Variants in LAMA1 observed in about 807,000 individuals in gnomAD.
The protein encoded by LAMA1 is laminin subunit alpha-1.
Under a neutral mutation model 348.7 loss-of-function variants are expected in LAMA1, and 219 were observed. The ratio of observed to expected loss-of-function variants is 0.63; its 90% confidence interval spans 0.56 to 0.70. The LOEUF (loss-of-function observed/expected upper bound fraction) is 0.70. LAMA1 is among the 30% of genes least tolerant of loss of function. The probability of loss-of-function intolerance (pLI) is 0.00; values close to 1 mark genes in which losing one functional copy is unlikely to be tolerated. For missense variants in LAMA1, 3,744 were observed against 3,888.0 expected, an observed-to-expected ratio of 0.96 and a Z score of 0.99; for synonymous variants, 1,487 against 1,491.0, an observed-to-expected ratio of 1.00 and a Z score of 0.06.
At chr18:6,959,232 C>T (rs1037129866) in intron 54 of LAMA1, 109 bp downstream of exon 54, 48 of 1,393,730 alleles carry the variant, frequency 3.4e-5, no homozygotes, top group African/African-American at 5.7e-5. Context: ...GTCTGGATGC[C>T]GATGACCCCA....
intron 47 of LAMA1, among the ~76,000 whole-genome samples, chr18:6,972,845 C>T (rs8087100): frequency 0.014 from 2,063 of 152,302 alleles, 50 homozygotes; most frequent in African/African-American, 0.047. Flanking sequence ...CATGTGCCAC[C>T]ACACCCGGCT....
chr18:7,067,184 C>T (rs1004733441), intron 3 of LAMA1, among the ~76,000 whole-genome samples: 11 of 150,648 alleles, frequency 7.3e-5, no homozygotes, highest in African/African-American at 2.7e-4. Flanking sequence ...GCAGGCAGCA[C>T]GGGACAGTGA....
In LAMA1 at chr18:7,050,695, T is replaced by C. The variant is rs1385585897; in HGVS notation, c.587A>G (p.Glu196Gly). Residue 196 changes from glutamate to glycine, a missense_variant and splice_region_variant, in exon 4 of 63, where the codon GAG becomes GGG. Physicochemically the swap from Glu to Gly is moderately conservative, Grantham distance 98. This residue lies in a region of LAMA1 where 1,529 missense variants were observed against 1,689.4 expected (regional missense o/e 0.91). Coordinates refer to ENST00000389658, the MANE Select transcript of LAMA1 (RefSeq NM_005559.4). ...YSRLVPLEHG[E>G]IHTSLINGRP... ...TGCTGCAGCGGGCACCATACCTACC[T>C]CTCCATGCTCAAGTGGCACCAATCT... 6.2e-7 allele frequency: 1 copy of C among 1,613,462 alleles called. No homozygotes were observed. Among genetic ancestry groups the C allele is most frequent in the Non-Finnish European group, 8.5e-7 (1 of 1,179,988 alleles).
intron 43 of LAMA1, 91 bp from the exon 44 acceptor site, chr18:6,977,972 A>G (rs1050202998): frequency 2.1e-6 from 3 of 1,405,250 alleles, no homozygotes; most frequent in African/African-American, 1.4e-5. Context: ...GCACTTGGTA[A>G]AACAACACCC....
At position 7,002,462 on chromosome 18, in the gene LAMA1, C is replaced by T. The variant is rs1200325954; in HGVS notation, c.4261-77G>A. 6 of 1,445,754 alleles carry T rather than the reference C, an allele frequency of 4.2e-6. No homozygotes were observed. The African/African-American group carries it at 4.2e-5, about 10-fold the overall frequency. 89.6% of individuals were successfully genotyped at this position (1,445,754 alleles called of 1,614,324 possible). A position where few individuals can be genotyped will look rare whatever the true frequency, so the allele number is the denominator to read the frequency against. On this transcript the variant is annotated intron_variant, in intron 29 of 62. Transcript: ENST00000389658. ...TCATTCTTATCTGGTAATAGCTAAG[C>T]ACTGCCACGTTTTATATCAGCTAGC... is the stretch of plus-strand genomic sequence containing the variant.
chr18:6,961,761 T>A lies in LAMA1; in HGVS notation c.7453-2A>T. On this transcript the variant is annotated splice_acceptor_variant, in intron 52 of 62. Transcript: ENST00000389658. LOFTEE classifies it high-confidence loss of function. The stretch of plus-strand genomic sequence containing the variant: ...CAGGAAGCTAACACTCCGGATGGGC[T>A]GGACACAGAGGAGATGGAACAGCAT... The A allele has an allele frequency of 6.2e-7, 1 of 1,614,144 alleles. No individual in the cohort carries two copies. Among genetic ancestry groups the A allele is most frequent in the Non-Finnish European group, 8.5e-7 (1 of 1,180,006 alleles).
intron 1 of LAMA1, among the ~76,000 whole-genome samples, chr18:7,099,848 G>A (rs796143644): frequency 4.6e-5 from 7 of 152,064 alleles, no homozygotes; most frequent in African/African-American, 1.7e-4. Context: ...CATGAGGTCA[G>A]GAGATTGAGA....
At chr18:7,077,560 G>A (rs1002024503) in intron 3 of LAMA1, among the ~76,000 whole-genome samples, 3 of 152,024 alleles carry the variant, frequency 2.0e-5, no homozygotes, top group African/African-American at 7.2e-5. Flanking sequence ...ACTGCCTTCT[G>A]GAATTCCTCA....
At chr18:7,014,912 T>C (rs1231604261) in intron 22 of LAMA1, among the ~76,000 whole-genome samples, 2 of 152,152 alleles carry the variant, frequency 1.3e-5, no homozygotes, top group Non-Finnish European at 2.9e-5. Context: ...AGTGGCCCGA[T>C]ATCGGCTCAC....
intron 1 of LAMA1, among the ~76,000 whole-genome samples, chr18:7,085,413 CTTTTTTT>C (rs36122063): frequency 1.2e-5 from 1 of 85,274 alleles, no homozygotes. Flanking sequence ...TCTTCTTCTT[CTTTTTTT>C]TTTTTTTTTT....
chr18:7,092,946 C>G (rs1026068750), intron 1 of LAMA1, among the ~76,000 whole-genome samples: 3 of 152,164 alleles, frequency 2.0e-5, no homozygotes, highest in Non-Finnish European at 4.4e-5. Context: ...CGCACAGGTG[C>G]AATCGCATGG....
At chr18:7,064,221 CA>C (rs898604962) in intron 3 of LAMA1, among the ~76,000 whole-genome samples, 2 of 150,600 alleles carry the variant, frequency 1.3e-5, no homozygotes, top group Admixed American at 6.6e-5. Flanking sequence ...ATTTTTAATA[CA>C]AAAAAAGGTT....
chr18:7,018,399 CTTT>C (rs901034443), intron 19 of LAMA1, among the ~76,000 whole-genome samples: 1 of 128,350 alleles, frequency 7.8e-6, no homozygotes, highest in Admixed American at 7.7e-5. Flanking sequence ...TCCAGGTACT[CTTT>C]TTTTTTTTTT....
intron 1 of LAMA1, among the ~76,000 whole-genome samples, chr18:7,103,310 C>G (rs569731929): frequency 1.0e-3 from 159 of 152,038 alleles, no homozygotes; most frequent in African/African-American, 3.7e-3. Flanking sequence ...GAGGCTGAGG[C>G]AGGAGAATGG....
At chr18:7,017,534 G>A in intron 19 of LAMA1, 150 bp from the exon 20 acceptor site, 1 of 705,724 alleles carries the variant, frequency 1.4e-6, no homozygotes, top group South Asian at 1.6e-5. Context: ...AACTTTAGAA[G>A]TTTAGCATTT....
chr18:7,071,181 G>C (rs2058144459), intron 3 of LAMA1, among the ~76,000 whole-genome samples: 1 of 152,230 alleles, frequency 6.6e-6, no homozygotes, highest in South Asian at 2.1e-4. Flanking sequence ...GAGGGAACCA[G>C]AGGTCCTGGT....
intron 16 of LAMA1, 148 bp from the exon 17 acceptor site, chr18:7,026,254 T>G: frequency 1.2e-6 from 1 of 858,348 alleles, no homozygotes; most frequent in East Asian, 2.6e-5. Flanking sequence ...GAAGGCCTCC[T>G]GTTTTCAGAT....
At chr18:6,955,677 G>T (rs949215) in intron 56 of LAMA1, 215,162 of 666,256 alleles carry the variant, frequency 0.32, 37,804 homozygotes, top group Non-Finnish European at 0.38. Context: ...GCTTCTGTCT[G>T]TCACCTTAAT....
At chr18:7,037,793 T>C in intron 11 of LAMA1, 42 bp from the exon 12 acceptor site, 2 of 1,582,916 alleles carry the variant, frequency 1.3e-6, no homozygotes. Flanking sequence ...GAAATAGAAC[T>C]TACCTTAGAT....
Sources: allele counts gnomAD v4.1 joint callset (sites outside exome capture counted in the v4.1 genomes callset), GRCh38; gene constraint gnomAD v4.1.1; regional missense constraint gnomAD v4.1.1; transcripts MANE v1.5; gene names NCBI Gene and HGNC (gene_info 2026-07-23, HGNC 2026-07-21).